Variants in METTL21C observed in about 807,000 individuals in gnomAD.
METTL21C encodes the protein protein-lysine methyltransferase METTL21C.
Under a neutral mutation model 25.9 loss-of-function variants are expected in METTL21C, and 21 were observed. The observed-to-expected ratio is 0.81, with a 90% CI of 0.58 to 1.17. The LOEUF is 1.17. Among genes scored for constraint, METTL21C ranks in the 50% most tolerant of loss-of-function variants. The pLI is 0.00. For synonymous variants in METTL21C, 125 were observed against 124.7 expected (o/e 1.00, Z -0.01); for missense variants, 312 against 315.1 (o/e 0.99, Z 0.07).
intron 2 of METTL21C, among the ~76,000 whole-genome samples, chr13:102,688,883 G>A (rs1311022294): frequency 6.6e-6 from 1 of 152,018 alleles, no homozygotes; most frequent in South Asian, 2.1e-4. Context: ...CCAGCCCCTT[G>A]TCCTGTTAGC....
Position 102,686,258 on chromosome 13 carries a change from C to A in METTL21C, c.568G>T (p.Val190Phe). ...TGGTAGACCACATCTGAGGCTAGGACGTAATCATAGTAAAAAGCTGACTTG... is the reference window on the plus strand; with the variant it reads ...TGGTAGACCACATCTGAGGCTAGGAAGTAATCATAGTAAAAAGCTGACTTG... ...FPKSAFYYDY[V>F]LASDVVYHHY... Residue 190 changes from valine to phenylalanine, a missense_variant, in exon 4 of 4, where the codon GTC becomes TTC. Transcript: ENST00000267273. 1 of 1,614,184 alleles carries A rather than the reference C, an allele frequency of 6.2e-7. No homozygotes were observed.
chr13:102,691,445 G>T (rs987548662), intron 1 of METTL21C, among the ~76,000 whole-genome samples: 29 of 152,180 alleles, frequency 1.9e-4, no homozygotes, highest in African/African-American at 7.0e-4. Flanking sequence ...TGCTTCCCGG[G>T]TTCAAGTGAT....
Position 102,694,890 on chromosome 13 carries a change from TCTCTCTCTCTCA to T in METTL21C, c.-404_-393del, listed in dbSNP as rs1363585423. On this transcript the variant is annotated 5_prime_UTR_variant, in exon 1 of 4. An upstream open reading frame in the 5' UTR loses its in-frame stop. Coordinates refer to ENST00000267273, the MANE Select transcript of METTL21C (RefSeq NM_001010977.3). ...CTCTCTCTTTCTCTCTCTCTCTCTC[TCTCTCTCTCTCA>T]CACACACACACACACACACACACAC... Among the ~76,000 whole-genome samples the T allele has an allele frequency of 1.3e-4, 17 of 134,706 alleles. No homozygotes were observed. Among genetic ancestry groups the T allele is most frequent in the South Asian group, 5.0e-4 (2 of 4,012 alleles). 88.4% of individuals were successfully genotyped at this position (134,706 alleles called of 152,430 possible). A position where few individuals can be genotyped will look rare whatever the true frequency, so the allele number is the denominator to read the frequency against.
chr13:102,688,139 G>GC (rs1217649104), intron 2 of METTL21C, among the ~76,000 whole-genome samples: 7 of 152,186 alleles, frequency 4.6e-5, no homozygotes, highest in African/African-American at 1.4e-4. Flanking sequence ...CTAAAGATAT[G>GC]CCCCCATCTT....
chr13:102,699,487 T>C (rs564952116), upstream of METTL21C, among the ~76,000 whole-genome samples: 44 of 152,302 alleles, frequency 2.9e-4, no homozygotes, highest in African/African-American at 8.9e-4. Flanking sequence ...GATTTCCACA[T>C]TGATCTTTCC....
chr13:102,689,567 ATG>A (rs1285832722), intron 2 of METTL21C, among the ~76,000 whole-genome samples: 1 of 152,212 alleles, frequency 6.6e-6, no homozygotes, highest in Non-Finnish European at 1.5e-5. Flanking sequence ...TCACCCCGGA[ATG>A]TGTAAGACCT....
At chr13:102,691,011 A>C in intron 1 of METTL21C, 47 bp from the exon 2 acceptor site, 1 of 1,598,984 alleles carries the variant, frequency 6.3e-7, no homozygotes, top group Non-Finnish European at 8.6e-7. Context: ...GTTCAAATCC[A>C]GTGCAAAGAC....
intron 1 of METTL21C, among the ~76,000 whole-genome samples, chr13:102,692,031 T>C (rs1885843831): frequency 6.6e-6 from 1 of 152,088 alleles, no homozygotes; most frequent in South Asian, 2.1e-4. Context: ...TGGGAAAGAA[T>C]TAACAGTGCG....
chr13:102,688,534 T>C lies in METTL21C; in HGVS notation c.283-1477A>G, dbSNP rs1474967363. ...CAGCTGGTGTGGAAGGCCAGGGCGGTGGGTAAAATAGCAACATGGTGTGAC... is the reference window on the plus strand; with the variant it reads ...CAGCTGGTGTGGAAGGCCAGGGCGGCGGGTAAAATAGCAACATGGTGTGAC... On this transcript the variant is annotated intron_variant, in intron 2 of 3. Coordinates refer to ENST00000267273, the MANE Select transcript of METTL21C (RefSeq NM_001010977.3). Among the ~76,000 whole-genome samples, 3 of 151,872 alleles carry C rather than the reference T, an allele frequency of 2.0e-5. No homozygotes were observed. In the East Asian group the frequency reaches 5.8e-4, roughly 29 times the overall value.
At chr13:102,701,803 T>C in the METTL21C span, among the ~76,000 whole-genome samples, 1 of 152,104 alleles carries the variant, frequency 6.6e-6, no homozygotes, top group East Asian at 1.9e-4. Flanking sequence ...TATGATCATC[T>C]TGAAAGATAT....
At chr13:102,702,175 G>GTC in the METTL21C span, among the ~76,000 whole-genome samples, 1 of 148,630 alleles carries the variant, frequency 6.7e-6, no homozygotes, top group African/African-American at 2.6e-5. Flanking sequence ...AAAAAAAAAA[G>GTC]TGTGTGTGTA....
At chr13:102,688,482 G>T (rs1885737666) in intron 2 of METTL21C, among the ~76,000 whole-genome samples, 1 of 152,206 alleles carries the variant, frequency 6.6e-6, no homozygotes, top group Admixed American at 6.5e-5. Flanking sequence ...AGGAGTCTGG[G>T]CCGACTTCAT....
In METTL21C at chr13:102,694,932, A is replaced by G. The variant is rs1885921708; in HGVS notation, c.-434T>C. ...CACACACACACACACACACACACGC[A>G]CAGTCCTAGCAACATTCAATGGAAT... On this transcript the variant is annotated 5_prime_UTR_variant, in exon 1 of 4. Coordinates refer to ENST00000267273, the MANE Select transcript of METTL21C (RefSeq NM_001010977.3). 6.6e-6 allele frequency among the ~76,000 whole-genome samples: 1 copy of G among 150,418 alleles called. No individual in the cohort carries two copies. Among genetic ancestry groups the G allele is most frequent in the Non-Finnish European group, 1.5e-5 (1 of 67,612 alleles).
In METTL21C at chr13:102,686,352, T is replaced by C; in HGVS notation, c.474A>G (p.Leu158=). The change falls in exon 4 of 4, where the codon CTA becomes CTG. Residue 158 remains leucine, a synonymous_variant. Coordinates refer to ENST00000267273, the MANE Select transcript of METTL21C (RefSeq NM_001010977.3). ...NLQYNLLKNT[L]QCTAHLPEVK... ...CTTCAGGCAGATGTGCTGTACATTG[T>C]AGTGTGTTTTTTAAAAGATTGTATT... 6.2e-7 allele frequency: 1 copy of C among 1,614,186 alleles called. No homozygotes were observed. Among genetic ancestry groups the C allele is most frequent in the Non-Finnish European group, 8.5e-7 (1 of 1,180,024 alleles).
intron 3 of METTL21C, 151 bp from the exon 4 acceptor site, chr13:102,686,576 A>G: frequency 1.1e-6 from 1 of 939,290 alleles, no homozygotes. Context: ...GGGCTGGCTA[A>G]TTCTTGTGGG....
chr13:102,697,419 C>G (rs1391259315), upstream of METTL21C, among the ~76,000 whole-genome samples: 1 of 152,098 alleles, frequency 6.6e-6, no homozygotes, highest in African/African-American at 2.4e-5. Context: ...CACAGGACAG[C>G]CCCGCACAGC....
the METTL21C span, among the ~76,000 whole-genome samples, chr13:102,702,805 G>A: frequency 6.6e-6 from 1 of 152,068 alleles, no homozygotes; most frequent in Admixed American, 6.5e-5. Flanking sequence ...TAGCCAGCCT[G>A]GCCTCGAACT....
chr13:102,704,012 T>G, the METTL21C span, among the ~76,000 whole-genome samples: 3 of 152,224 alleles, frequency 2.0e-5, no homozygotes, highest in Non-Finnish European at 1.5e-5. Context: ...CTAAATATAC[T>G]GTTTTAAATT....
the METTL21C span, among the ~76,000 whole-genome samples, chr13:102,700,372 T>TA: frequency 1.3e-5 from 2 of 152,210 alleles, no homozygotes; most frequent in Admixed American, 6.5e-5. Flanking sequence ...TTCTATTTTT[T>TA]ATTTTCTTTC....
Sources: gnomAD v4.1 joint callset for allele counts (sites outside exome capture counted in the v4.1 genomes callset) on GRCh38, gnomAD v4.1.1 for gene constraint, MANE v1.5 for transcripts, NCBI Gene and HGNC (gene_info 2026-07-23, HGNC 2026-07-21) for gene names.